The following RTN4 variants were observed in gnomAD, a reference collection of about 807,000 sequenced individuals.
The protein encoded by RTN4 is reticulon-4.
RTN4 carries 32 observed loss-of-function variants against 90.4 expected under a neutral mutation model. The ratio of observed to expected loss-of-function variants is 0.35; its 90% CI spans 0.27 to 0.48. The LOEUF is 0.48. Ranked by LOEUF, RTN4 falls within the 20% of genes least tolerant of loss-of-function variation. RTN4 has a pLI of 0.99. For missense variants in RTN4, 1,706 were observed against 1,430.2 expected, an observed-to-expected ratio of 1.19 and a Z score of -3.11; for synonymous variants, 629 against 552.5, an observed-to-expected ratio of 1.14 and a Z score of -1.94.
At chr2:55,056,494 G>A (rs918551539) in intron 2 of RTN4, 26 of 152,114 alleles carry the variant, frequency 1.7e-4, no homozygotes, top group African/African-American at 4.6e-4. Context: ...GAGAGGCGAA[G>A]GTGGGCAAAT....
chr2:55,032,379 T>C (rs1682379842), intron 1 of RTN4, among the ~76,000 whole-genome samples: 1 of 152,084 alleles, frequency 6.6e-6, no homozygotes, highest in Non-Finnish European at 1.5e-5. Context: ...ACACCTGGCC[T>C]GGATTAGCAA....
rs764683289 is a variant in RTN4, at chr2:55,025,121, G to A, written c.2978C>T (p.Ser993Phe). The A allele has an allele frequency of 4.3e-6, 7 of 1,612,474 alleles. No individual in the cohort carries two copies. The South Asian group carries it at 7.7e-5, about 18-fold the overall frequency. Reference sequence around the variant, plus strand: ...ACTCAGCTCTGCTGAAAATATAGCAGATGGTGATCTGTCCTCTTTTTCTGT... The same window carrying A: ...ACTCAGCTCTGCTGAAAATATAGCAAATGGTGATCTGTCCTCTTTTTCTGT... ...SDTEKEDRSP[S>F]AIFSAELSKT... Residue 993 changes from serine to phenylalanine, a missense_variant, in exon 3 of 9, where the codon TCT becomes TTT. Coordinates refer to ENST00000337526, the MANE Select transcript of RTN4 (RefSeq NM_020532.5).
At chr2:55,078,328 T>A (rs1016212206) in intron 2 of RTN4, among the ~76,000 whole-genome samples, 2 of 152,124 alleles carry the variant, frequency 1.3e-5, no homozygotes, top group East Asian at 3.9e-4. Context: ...AGCCTCAACC[T>A]CCTGGGCTCA....
chr2:55,102,496 T>C lies in RTN4; in HGVS notation c.-214+10024A>G, dbSNP rs114381593. Among the ~76,000 whole-genome samples the C allele has an allele frequency of 3.5e-4, 54 of 152,306 alleles. 2 individuals are homozygous for C. The highest frequency in any genetic ancestry group is 1.2e-3 in the African/African-American group (48 of 41,538). On this transcript the variant is annotated intron_variant, in intron 1 of 3. Coordinates refer to the RTN4 transcript ENST00000427710. The stretch of plus-strand genomic sequence containing the variant: ...TATTTGTGGACGCTAAAAATTTTAA[T>C]GTTATATAATTTTCACATGTCATTT...
intron 8 of RTN4, 79 bp downstream of exon 8, chr2:54,973,484 G>C: frequency 2.7e-6 from 3 of 1,098,402 alleles, no homozygotes; most frequent in Non-Finnish European, 4.2e-6. Context: ...TACTCATTAT[G>C]CCTGCAATAT....
chr2:54,981,282 TG>T (rs369936069), intron 5 of RTN4, among the ~76,000 whole-genome samples: 3,103 of 141,762 alleles, frequency 0.022, 77 homozygotes, highest in African/African-American at 0.06. Context: ...AAAATGTTTT[TG>T]TTTTTTTTTT....
chr2:54,973,472 G>A (rs1345043212), intron 8 of RTN4, 91 bp downstream of exon 8: 2 of 1,011,096 alleles, frequency 2.0e-6, no homozygotes, highest in East Asian at 2.4e-5. Context: ...ATAGAGATTT[G>A]TTACTCATTA....
At chr2:55,134,174 CG>C in the RTN4 span, among the ~76,000 whole-genome samples, 1 of 152,058 alleles carries the variant, frequency 6.6e-6, no homozygotes, top group Admixed American at 6.5e-5. Flanking sequence ...TAGTGTATAA[CG>C]AGCAGAGAGG....
chr2:55,036,711 T>C (rs994011674), intron 1 of RTN4, among the ~76,000 whole-genome samples: 1 of 151,650 alleles, frequency 6.6e-6, no homozygotes, highest in Non-Finnish European at 1.5e-5. Context: ...CATATGATCA[T>C]CTCAACAAAT....
At chr2:55,056,672 G>T (rs1265081167) in intron 2 of RTN4, 1 of 151,848 alleles carries the variant, frequency 6.6e-6, no homozygotes, top group African/African-American at 2.4e-5. Flanking sequence ...AACTTCTCTG[G>T]ATATCCTCTT....
intron 2 of RTN4, among the ~76,000 whole-genome samples, chr2:55,065,050 G>A (rs1668365767): frequency 6.6e-6 from 1 of 152,154 alleles, no homozygotes; most frequent in Non-Finnish European, 1.5e-5. Context: ...AAGAATGCAA[G>A]CAAAATTACA....
intron 4 of RTN4, among the ~76,000 whole-genome samples, chr2:54,985,524 T>C (rs936342779): frequency 2.0e-4 from 31 of 152,082 alleles, no homozygotes; most frequent in African/African-American, 7.5e-4. Context: ...CATCACCCCA[T>C]AAAATGGAGT....
intron 5 of RTN4, among the ~76,000 whole-genome samples, chr2:54,977,352 C>G (rs1448777968): frequency 6.6e-6 from 1 of 151,204 alleles, no homozygotes. Flanking sequence ...GCCTATGAGC[C>G]TGAGAGCTAG....
the RTN4 span, among the ~76,000 whole-genome samples, chr2:55,125,759 C>G: frequency 6.6e-6 from 1 of 152,030 alleles, no homozygotes; most frequent in Non-Finnish European, 1.5e-5. Flanking sequence ...GAGCAAGACT[C>G]TGTCTCAAAA....
chr2:55,125,557 T>C, the RTN4 span, among the ~76,000 whole-genome samples: 64 of 152,186 alleles, frequency 4.2e-4, no homozygotes, highest in African/African-American at 1.5e-3. Flanking sequence ...CTTGAGGTTA[T>C]GAGTTCGAGA....
At chr2:55,067,860 T>C (rs1394909435) in intron 2 of RTN4, among the ~76,000 whole-genome samples, 1 of 152,358 alleles carries the variant, frequency 6.6e-6, no homozygotes, top group Non-Finnish European at 1.5e-5. Flanking sequence ...TATTTTAAAA[T>C]AACATTAATA....
chr2:55,043,705 G>C (rs1683223791), intron 1 of RTN4, among the ~76,000 whole-genome samples: 2 of 152,128 alleles, frequency 1.3e-5, no homozygotes, highest in African/African-American at 4.8e-5. Context: ...GGCCAACATG[G>C]TGAAACCCCG....
At chr2:55,004,071 TGAAAA>T (rs1443544329) in intron 3 of RTN4, among the ~76,000 whole-genome samples, 1 of 152,098 alleles carries the variant, frequency 6.6e-6, no homozygotes, top group Non-Finnish European at 1.5e-5. Context: ...TCCTGAAAGA[TGAAAA>T]GAAATTATTC....
rs923352386 is a variant in RTN4 at position 55,097,994 on chromosome 2, C to A, written c.-214+14526G>T. On this transcript the variant is annotated intron_variant, in intron 1 of 3. Coordinates refer to the RTN4 transcript ENST00000427710. Reference sequence around the variant, plus strand: ...TCATCTTTCTCCTCTGTGCCCTTCCCCCAATCTCTTTTTCTACCTCACACA... The same window carrying A: ...TCATCTTTCTCCTCTGTGCCCTTCCACCAATCTCTTTTTCTACCTCACACA... Among the ~76,000 whole-genome samples the A allele has an allele frequency of 2.6e-5, 4 of 152,080 alleles. 1 individual carries two copies. The highest frequency in any genetic ancestry group is 9.7e-5 in the African/African-American group (4 of 41,346).
Sources: gnomAD v4.1 joint callset for allele counts (sites outside exome capture counted in the v4.1 genomes callset) on GRCh38, gnomAD v4.1.1 for gene constraint, MANE v1.5 for transcripts, NCBI Gene and HGNC (gene_info 2026-07-23, HGNC 2026-07-21) for gene names.